TRPM8: variants seen among roughly 807,000 people sequenced by gnomAD.
TRPM8 encodes TRPM8 cationic channel.
In TRPM8, 110 loss-of-function variants were observed where a neutral mutation model predicts 133.7. The observed-to-expected ratio is 0.82, with a 90% CI of 0.70 to 0.96. The LOEUF (loss-of-function observed/expected upper bound fraction) is 0.96, where lower values mean the gene tolerates loss of function less well. Ranked by LOEUF, TRPM8 falls within the 40% of genes least tolerant of loss-of-function variation. The pLI is 0.00. For missense variants in TRPM8, 1,291 were observed against 1,379.5 expected (o/e 0.94, Z 1.02); for synonymous variants, 535 against 532.3 (o/e 1.01, Z -0.07).
At chr2:233,942,838 G>A in intron 6 of TRPM8, 90 bp downstream of exon 6, 4 of 1,487,424 alleles carry the variant, frequency 2.7e-6, no homozygotes, top group East Asian at 2.3e-5. Context: ...GCTCTGTGAT[G>A]GAGCCAGCCA....
At chr2:233,926,729 A>T in intron 2 of TRPM8, 75 bp downstream of exon 2, 1 of 1,132,070 alleles carries the variant, frequency 8.8e-7, no homozygotes, top group Middle Eastern at 2.0e-4. Flanking sequence ...GCATTTGCAC[A>T]TTGACTTTTA....
rs1692978702 is a variant in TRPM8, at chr2:234,017,278, GTTCT to G, written c.*43-14_*43-11del. 2.1e-6 allele frequency: 1 copy of G among 470,370 alleles called. No homozygotes were observed. The highest frequency in any genetic ancestry group is 4.4e-6 in the Non-Finnish European group (1 of 226,950). The allele number at this position is 470,370 out of a possible 1,614,324, so 29.1% of individuals were successfully genotyped here. On this transcript the variant is annotated splice_polypyrimidine_tract_variant and intron_variant, in intron 25 of 25. Transcript: ENST00000324695. ...GTGGGAAATCTATTCTTAACACAGT[GTTCT>G]TTCTTTGTTTTTACAGATCATATTA... is the stretch of plus-strand genomic sequence containing the variant.
At chr2:233,930,852 A>G (rs1445337125) in intron 3 of TRPM8, 111 bp downstream of exon 3, 1 of 695,402 alleles carries the variant, frequency 1.4e-6, no homozygotes, top group Non-Finnish European at 2.5e-6. Flanking sequence ...TCTTCGTCTT[A>G]TAATTCTCAG....
At chr2:233,974,326 C>T (rs1220112300) in intron 17 of TRPM8, among the ~76,000 whole-genome samples, 2 of 152,122 alleles carry the variant, frequency 1.3e-5, no homozygotes, top group Non-Finnish European at 2.9e-5. Context: ...CTCCACCTCC[C>T]AGGTTCAAGT....
At chr2:233,948,403 T>G (rs528466721) in intron 8 of TRPM8, among the ~76,000 whole-genome samples, 1 of 152,308 alleles carries the variant, frequency 6.6e-6, no homozygotes, top group Admixed American at 6.5e-5. Context: ...TGGGAGTTAT[T>G]TATATCCTAC....
intron 21 of TRPM8, among the ~76,000 whole-genome samples, chr2:233,994,757 C>T (rs1692363482): frequency 1.3e-5 from 2 of 152,112 alleles, no homozygotes; most frequent in Non-Finnish European, 2.9e-5. Context: ...GGTCTCGTAA[C>T]ATATGTAATC....
At chr2:233,930,842 T>C in intron 3 of TRPM8, 101 bp downstream of exon 3, 1 of 730,880 alleles carries the variant, frequency 1.4e-6, no homozygotes, top group Non-Finnish European at 2.3e-6. Flanking sequence ...ATTAAAGATG[T>C]CTTCGTCTTA....
chr2:233,958,208 C>T (rs1034064682), intron 11 of TRPM8, among the ~76,000 whole-genome samples: 1 of 152,142 alleles, frequency 6.6e-6, no homozygotes, highest in African/African-American at 2.4e-5. Context: ...CTGGTCTGAA[C>T]TTGAATCTCT....
chr2:233,947,377 A>G (rs1179121856), intron 8 of TRPM8: 1 of 1,522,602 alleles, frequency 6.6e-7, no homozygotes, highest in South Asian at 1.2e-5. Context: ...CTGTGTACTT[A>G]GTGTTGGCCT....
At chr2:233,945,440 T>C (rs1691017339) in intron 6 of TRPM8, among the ~76,000 whole-genome samples, 2 of 152,224 alleles carry the variant, frequency 1.3e-5, no homozygotes, top group Admixed American at 6.5e-5. Context: ...GACAGCTATG[T>C]ATGTGTGCAT....
chr2:233,942,723 C>A lies in TRPM8; in HGVS notation c.674C>A (p.Thr225Asn). 3 of 1,614,146 alleles carry A rather than the reference C, an allele frequency of 1.9e-6. No homozygotes were observed. Among genetic ancestry groups the A allele is most frequent in the Non-Finnish European group, 2.5e-6 (3 of 1,180,034 alleles). Residue 225 changes from threonine to asparagine, a missense_variant, in exon 6 of 26, where the codon ACC (threonine) becomes AAC (asparagine). This residue lies in a region of TRPM8 where 963 missense variants were observed against 968.9 expected (regional missense o/e 0.99). Transcript: ENST00000324695. ...TGGGGCATGGTCTCCAACCGGGACA[C>A]CCTCATCAGGAATTGCGATGCTGAG... ...AAWGMVSNRD[T>N]LIRNCDAEGY...
At position 233,937,984 on chromosome 2, in the gene TRPM8, C is replaced by T. The variant is rs368013631; in HGVS notation, c.348+475C>T. On this transcript the variant is annotated intron_variant, in intron 4 of 25. Transcript: ENST00000324695. The stretch of plus-strand genomic sequence containing the variant: ...GTGCTCCCAGTCTCAATGAGAGCAC[C>T]GTCCACAGGCTGTTCCTGCAGGGCC... Among the ~76,000 whole-genome samples the T allele has an allele frequency of 2.1e-3, 323 of 152,314 alleles. 2 individuals carry two copies. The highest frequency in any genetic ancestry group is 7.1e-3 in the African/African-American group (295 of 41,568).
At chr2:233,945,191 T>TA (rs1691011465) in intron 6 of TRPM8, among the ~76,000 whole-genome samples, 1 of 152,246 alleles carries the variant, frequency 6.6e-6, no homozygotes, top group Non-Finnish European at 1.5e-5. Context: ...GCAACGCTGA[T>TA]ACTTTAAAAC....
intron 17 of TRPM8, among the ~76,000 whole-genome samples, chr2:233,977,620 T>C (rs753502916): frequency 4.6e-5 from 7 of 152,138 alleles, no homozygotes; most frequent in Non-Finnish European, 1.0e-4. Flanking sequence ...GAGGGGTCCC[T>C]GGGGCTGCTA....
At chr2:234,011,308 C>T (rs532966485) in intron 24 of TRPM8, among the ~76,000 whole-genome samples, 47 of 152,168 alleles carry the variant, frequency 3.1e-4, no homozygotes, top group Non-Finnish European at 5.0e-4. Context: ...TTATTCTATT[C>T]CATTGGTCTA....
intron 25 of TRPM8, among the ~76,000 whole-genome samples, chr2:234,014,876 T>C (rs1203178004): frequency 6.6e-6 from 1 of 152,170 alleles, no homozygotes; most frequent in African/African-American, 2.4e-5. Flanking sequence ...CACCAGGGAT[T>C]AGCATTGCTA....
chr2:233,995,677 C>T (rs1400269486), intron 21 of TRPM8, among the ~76,000 whole-genome samples: 1 of 151,842 alleles, frequency 6.6e-6, no homozygotes, highest in African/African-American at 2.4e-5. Flanking sequence ...ATTGATTAAT[C>T]GTAATGTGTG....
rs1178731456 is a variant in TRPM8 at position 233,927,924 on chromosome 2, TTCTCTCTC to T, written c.117+1300_117+1307del. On this transcript the variant is annotated intron_variant, in intron 2 of 25. Coordinates refer to ENST00000324695, the MANE Select transcript of TRPM8 (RefSeq NM_024080.5). ...TTTCTTTCTTTCTCTCTCTCTCTCT[TTCTCTCTC>T]TCTCTCTCTCTCTCTCTCTCTCTCT... Among the ~76,000 whole-genome samples, 18 of 28,052 alleles carry T rather than the reference TTCTCTCTC, an allele frequency of 6.4e-4. 1 individual carries two copies. Among genetic ancestry groups the T allele is most frequent in the African/African-American group, 8.6e-4 (4 of 4,664 alleles). The allele number at this position is 28,052 out of a possible 152,430, so 18.4% of individuals were successfully genotyped here. A position where few individuals can be genotyped will look rare whatever the true frequency, so the allele number is the denominator to read the frequency against.
chr2:233,982,068 C>T (rs1692024818), intron 19 of TRPM8, among the ~76,000 whole-genome samples, 153 bp downstream of exon 19: 1 of 152,160 alleles, frequency 6.6e-6, no homozygotes, highest in African/African-American at 2.4e-5. Flanking sequence ...GGGGCCTCTC[C>T]CAGGTTAAAA....
Sources: allele counts gnomAD v4.1 joint callset (sites outside exome capture counted in the v4.1 genomes callset), GRCh38; gene constraint gnomAD v4.1.1; regional missense constraint gnomAD v4.1.1; transcripts MANE v1.5; gene names NCBI Gene and HGNC (gene_info 2026-07-23, HGNC 2026-07-21).